INPP5F: variants seen among roughly 807,000 people sequenced by gnomAD.
INPP5F encodes the protein inositol polyphosphate-5-phosphatase F.
A neutral mutation model predicts 137.2 loss-of-function variants in INPP5F; 97 were observed. The observed-to-expected ratio is 0.71, with a 90% CI of 0.60 to 0.84. INPP5F has a LOEUF of 0.84. Among genes scored for constraint, INPP5F ranks in the 40% least tolerant of loss-of-function variants. INPP5F has a pLI of 0.00. For missense variants in INPP5F, 1,271 were observed against 1,371.9 expected (o/e 0.93, Z 1.16); for synonymous variants, 504 against 476.9 (o/e 1.06, Z -0.74).
intron 1 of INPP5F, among the ~76,000 whole-genome samples, chr10:119,750,084 T>C (rs1482681669): frequency 1.3e-5 from 2 of 152,156 alleles, no homozygotes; most frequent in Non-Finnish European, 2.9e-5. Context: ...CAAGTCAACT[T>C]TTTTTGCCTT....
intron 9 of INPP5F, chr10:119,799,245 T>TG (rs1414593129): frequency 5.1e-5 from 20 of 393,508 alleles, no homozygotes; most frequent in Middle Eastern, 7.1e-4. Context: ...CCATTAGCAG[T>TG]GACCAGTGTG....
chr10:119,730,251 A>T (rs1848017937), intron 1 of INPP5F, among the ~76,000 whole-genome samples: 1 of 152,178 alleles, frequency 6.6e-6, no homozygotes, highest in African/African-American at 2.4e-5. Flanking sequence ...CTGGGATTAT[A>T]GGAACCTGTC....
At chr10:119,735,318 AT>A (rs1589661179) in intron 1 of INPP5F, among the ~76,000 whole-genome samples, 1 of 151,994 alleles carries the variant, frequency 6.6e-6, no homozygotes, top group African/African-American at 2.4e-5. Flanking sequence ...TTACCCTTGC[AT>A]TTTTTTAACT....
intron 1 of INPP5F, among the ~76,000 whole-genome samples, chr10:119,737,550 C>T (rs1176557940): frequency 6.6e-6 from 1 of 152,162 alleles, no homozygotes; most frequent in Non-Finnish European, 1.5e-5. Flanking sequence ...GCACTGATAA[C>T]CCTGAATTAG....
chr10:119,726,209 G>A lies in INPP5F; in HGVS notation c.-54G>A. 8.3e-7 allele frequency: 1 copy of A among 1,211,396 alleles called. No homozygotes were observed. The highest frequency in any genetic ancestry group is 1.1e-6 in the Non-Finnish European group (1 of 917,876). The allele number at this position is 1,211,396 out of a possible 1,614,324, so 75.0% of individuals were successfully genotyped here. A position where few individuals can be genotyped will look rare whatever the true frequency, so the allele number is the denominator to read the frequency against. ...GGCTCTGGCGGCCTCGACCGACTAG[G>A]ACGCCCCGTGCGCCGCCCGCGGGCC... On this transcript the variant is annotated 5_prime_UTR_variant, in exon 1 of 20. Transcript: ENST00000650623.
rs2072474574 is a variant in INPP5F, at chr10:119,827,822, T to A, written c.*42T>A. The A allele has an allele frequency of 1.4e-6, 2 of 1,389,898 alleles. No homozygotes were observed. Among genetic ancestry groups the A allele is most frequent in the Non-Finnish European group, 2.0e-6 (2 of 1,015,688 alleles). The allele number at this position is 1,389,898 out of a possible 1,614,324, so 86.1% of individuals were successfully genotyped here. A position where few individuals can be genotyped will look rare whatever the true frequency, so the allele number is the denominator to read the frequency against. ...TCCTTCCATGGCTTTTATTTAAAAA[T>A]ATGAAATTTTCACCTCTTGGGGTAT... On this transcript the variant is annotated 3_prime_UTR_variant, in exon 20 of 20. Coordinates refer to ENST00000650623, the MANE Select transcript of INPP5F (RefSeq NM_014937.4).
intron 9 of INPP5F, among the ~76,000 whole-genome samples, chr10:119,803,768 C>G (rs950287232): frequency 6.6e-6 from 1 of 152,096 alleles, no homozygotes; most frequent in Non-Finnish European, 1.5e-5. Context: ...TCTGTTAATT[C>G]AGGTTTTCTA....
intron 2 of INPP5F, among the ~76,000 whole-genome samples, chr10:119,771,998 C>T (rs1235393654): frequency 3.4e-5 from 5 of 146,098 alleles, no homozygotes; most frequent in East Asian, 2.1e-4. Context: ...CGGGTTCACA[C>T]GCCATTCTCC....
At chr10:119,750,049 A>G (rs1290220227) in intron 1 of INPP5F, among the ~76,000 whole-genome samples, 1 of 152,208 alleles carries the variant, frequency 6.6e-6, no homozygotes, top group South Asian at 2.1e-4. Context: ...GATTACAGGC[A>G]TGAGCCACCA....
intron 2 of INPP5F, among the ~76,000 whole-genome samples, chr10:119,762,266 G>C (rs1331561336): frequency 6.6e-6 from 1 of 152,198 alleles, no homozygotes; most frequent in African/African-American, 2.4e-5. Context: ...GATGGCTCTG[G>C]AGGCTGGACA....
chr10:119,726,658 C>T (rs1847902580), intron 1 of INPP5F, among the ~76,000 whole-genome samples: 1 of 152,206 alleles, frequency 6.6e-6, no homozygotes, highest in African/African-American at 2.4e-5. Context: ...GGAGGGGGTC[C>T]CCTCCGGCAG....
chr10:119,765,865 C>CTATATA (rs551639582), intron 2 of INPP5F, among the ~76,000 whole-genome samples: 192 of 29,866 alleles, frequency 6.4e-3, no homozygotes, highest in African/African-American at 0.012. Context: ...ACACTATATA[C>CTATATA]TATATATATA....
At chr10:119,798,486 C>T in intron 8 of INPP5F, 57 bp from the exon 9 acceptor site, 1 of 1,143,422 alleles carries the variant, frequency 8.7e-7, no homozygotes, top group South Asian at 1.3e-5. Flanking sequence ...ATGGAGTAGA[C>T]ACTAATATGT....
At chr10:119,823,447 A>G (rs555902080) in intron 18 of INPP5F, among the ~76,000 whole-genome samples, 1 of 152,324 alleles carries the variant, frequency 6.6e-6, no homozygotes. Context: ...TGGCCCCATC[A>G]GTGATCGTAT....
At chr10:119,753,202 T>C (rs1848737810) in intron 2 of INPP5F, among the ~76,000 whole-genome samples, 1 of 152,236 alleles carries the variant, frequency 6.6e-6, no homozygotes, top group South Asian at 2.1e-4. Flanking sequence ...TTTTCTATTA[T>C]TTAAATGACA....
intron 16 of INPP5F, 41 bp downstream of exon 16, chr10:119,820,958 T>G: frequency 8.2e-7 from 1 of 1,221,862 alleles, no homozygotes; most frequent in Non-Finnish European, 1.2e-6. Context: ...TTTTGTTTTT[T>G]AAACTTGAGT....
intron 6 of INPP5F, among the ~76,000 whole-genome samples, chr10:119,794,588 A>G (rs1332350788): frequency 6.6e-6 from 1 of 150,874 alleles, no homozygotes; most frequent in African/African-American, 2.4e-5. Context: ...ACTTTCCAGT[A>G]GGGGCGGCCG....
chr10:119,796,079 AG>A (rs1378050642), intron 6 of INPP5F, among the ~76,000 whole-genome samples: 2 of 11,354 alleles, frequency 1.8e-4, no homozygotes, highest in East Asian at 3.6e-3. Context: ...GGAGAGGGAG[AG>A]GGGGAGGGGG....
At chr10:119,817,807 CAT>C (rs2134279625) in intron 15 of INPP5F, among the ~76,000 whole-genome samples, 1 of 152,310 alleles carries the variant, frequency 6.6e-6, no homozygotes, top group African/African-American at 2.4e-5. Context: ...CTTTGTCCAT[CAT>C]ATTTATCATA....
Sources: allele counts gnomAD v4.1 joint callset (sites outside exome capture counted in the v4.1 genomes callset), GRCh38; gene constraint gnomAD v4.1.1; transcripts MANE v1.5; gene names NCBI Gene and HGNC (gene_info 2026-07-23, HGNC 2026-07-21).